BRIP1: variants seen among roughly 807,000 people sequenced by gnomAD.
BRIP1 encodes the protein BRCA1 interacting DNA helicase 1.
Under a neutral mutation model 119.7 loss-of-function variants are expected in BRIP1, and 88 were observed. The ratio of observed to expected loss-of-function variants is 0.74; its 90% CI spans 0.62 to 0.88. The LOEUF (loss-of-function observed/expected upper bound fraction) is 0.88, where lower values mean the gene tolerates loss of function less well. Ranked by LOEUF, BRIP1 falls within the 40% of genes least tolerant of loss-of-function variation. The pLI is 0.00. For missense variants in BRIP1, 1,259 were observed against 1,455.4 expected (o/e 0.87, Z 2.20); for synonymous variants, 443 against 496.5 (o/e 0.89, Z 1.43).
In BRIP1 at chr17:61,806,192, A is replaced by G. The variant is rs2078071007; in HGVS notation, c.918+2275T>C. On this transcript the variant is annotated intron_variant, in intron 7 of 19. Transcript: ENST00000259008. This position sits in a 1 kb window ranked among gnomAD's most constrained non-coding sequence, Gnocchi z 4.9. ...TAACACAACCCTGAGGAAGTCTGTC[A>G]ATTGAAGTGTTATCACACTTTAAAC... Among the ~76,000 whole-genome samples, 1 of 152,238 alleles carries G rather than the reference A, an allele frequency of 6.6e-6. No homozygotes were observed. Among genetic ancestry groups the G allele is most frequent in the South Asian group, 2.1e-4 (1 of 4,834 alleles).
At chr17:61,694,207 C>CA (rs2061491018) in intron 17 of BRIP1, among the ~76,000 whole-genome samples, 3 of 152,106 alleles carry the variant, frequency 2.0e-5, no homozygotes, top group Admixed American at 2.0e-4. Flanking sequence ...TTCACCACCC[C>CA]AAAAAGAAAC....
chr17:61,786,871 T>A (rs1325841735), intron 10 of BRIP1, among the ~76,000 whole-genome samples: 1 of 125,700 alleles, frequency 8.0e-6, no homozygotes, highest in Non-Finnish European at 1.6e-5. Flanking sequence ...ATATATGTAT[T>A]AATATATTAA....
Position 61,776,611 on chromosome 17 carries a change from G to A in BRIP1, c.1936-49C>T, listed in dbSNP as rs1367935734. ...TAGAGTTATGCCTGAAAAAGGCATG[G>A]AAATTAGTATTTATTTGGAAGTATG... On this transcript the variant is annotated intron_variant, in intron 13 of 19. Transcript: ENST00000259008. This position sits in a 1 kb window ranked among gnomAD's most constrained non-coding sequence, Gnocchi z 5.0. 2 of 1,553,230 alleles carry A rather than the reference G, an allele frequency of 1.3e-6. No homozygotes were observed. Among genetic ancestry groups the A allele is most frequent in the African/African-American group, 1.4e-5 (1 of 73,790 alleles).
At chr17:61,820,165 C>T (rs966951322) in intron 6 of BRIP1, among the ~76,000 whole-genome samples, 1 of 152,136 alleles carries the variant, frequency 6.6e-6, no homozygotes, top group Non-Finnish European at 1.5e-5. Flanking sequence ...TCCCACCTTA[C>T]ATCAAAATAA....
chr17:61,775,018 G>A lies in BRIP1; in HGVS notation c.2097+1383C>T, dbSNP rs934819226. ...CTTACATAACTGTGGAGTGAGTACA[G>A]TTTCCATAATCCCATAAATAACTTT... On this transcript the variant is annotated intron_variant, in intron 14 of 19. Transcript: ENST00000259008. The surrounding 1 kb of genome is among the most constrained non-coding windows in gnomAD (Gnocchi z 4.4). Among the ~76,000 whole-genome samples, 5 of 152,170 alleles carry A rather than the reference G, an allele frequency of 3.3e-5. No individual in the cohort carries two copies. Among genetic ancestry groups the A allele is most frequent in the Middle Eastern group, 3.2e-3 (1 of 316 alleles).
chr17:61,856,971 C>A lies in BRIP1; in HGVS notation c.379+87G>T. ...AGAGATATATAATCAGTTATGCTAA[C>A]CAAACTTATATAAATTAGGGCTTAT... On this transcript the variant is annotated intron_variant, in intron 4 of 19. Transcript: ENST00000259008. This position sits in a 1 kb window ranked among gnomAD's most constrained non-coding sequence, Gnocchi z 5.1. The A allele has an allele frequency of 7.4e-7, 1 of 1,351,616 alleles. No individual in the cohort carries two copies. The highest frequency in any genetic ancestry group is 1.1e-6 in the Non-Finnish European group (1 of 943,550). The allele number at this position is 1,351,616 out of a possible 1,614,324, so 83.7% of individuals were successfully genotyped here.
Position 61,842,483 on chromosome 17 carries a change from C to T in BRIP1, c.627+4618G>A, listed in dbSNP as rs193243783. On this transcript the variant is annotated intron_variant, in intron 6 of 19. Transcript: ENST00000259008. The surrounding 1 kb of genome is among the most constrained non-coding windows in gnomAD (Gnocchi z 5.1). ...ACAAAGAAATGACAAATGTTTGAGG[C>T]GATGGATATGTTAATTACTCTGATT... is the stretch of plus-strand genomic sequence containing the variant. Among the ~76,000 whole-genome samples the T allele has an allele frequency of 2.1e-4, 32 of 152,000 alleles. No homozygotes were observed. The highest frequency in any genetic ancestry group is 3.1e-4 in the Non-Finnish European group (21 of 67,978).
rs1276791259 is a variant in BRIP1 at position 61,815,682 on chromosome 17, G to C, written c.628-6925C>G. Among the ~76,000 whole-genome samples the C allele has an allele frequency of 2.6e-5, 4 of 152,112 alleles. No homozygotes were observed. Among genetic ancestry groups the C allele is most frequent in the Non-Finnish European group, 5.9e-5 (4 of 67,996 alleles). ...CCACAAAATACACAATAAATTTGTG[G>C]AGAAGTTGAAATTCATAACCTTAAA... is the stretch of plus-strand genomic sequence containing the variant. On this transcript the variant is annotated intron_variant, in intron 6 of 19. Transcript: ENST00000259008. This position sits in a 1 kb window ranked among gnomAD's most constrained non-coding sequence, Gnocchi z 4.1.
chr17:61,783,255 G>C (rs900165148), intron 11 of BRIP1, among the ~76,000 whole-genome samples: 3 of 152,128 alleles, frequency 2.0e-5, no homozygotes, highest in Non-Finnish European at 2.9e-5. Context: ...CTACATAAAT[G>C]AACTCTGAAA....
At position 61,816,650 on chromosome 17, in the gene BRIP1, T is replaced by C. The variant is rs564853631; in HGVS notation, c.628-7893A>G. Among the ~76,000 whole-genome samples the C allele has an allele frequency of 1.3e-5, 2 of 152,140 alleles. No individual in the cohort carries two copies. Among genetic ancestry groups the C allele is most frequent in the Non-Finnish European group, 2.9e-5 (2 of 68,042 alleles). On this transcript the variant is annotated intron_variant, in intron 6 of 19. Transcript: ENST00000259008. This position sits in a 1 kb window ranked among gnomAD's most constrained non-coding sequence, Gnocchi z 5.0. ...CTATAAAGCAAAAATTATCCTGGTA[T>C]AATAGAACTTTACATAGATGTGATT... is the stretch of plus-strand genomic sequence containing the variant.
rs1463146347 is a variant in BRIP1, at chr17:61,706,624, T to G, written c.2492+9327A>C. Reference sequence around the variant, plus strand: ...CTACTACTTCTTGGTTTTTGAACTTTAGAACTTACGTACTGATTCTCTCCT... The same window carrying G: ...CTACTACTTCTTGGTTTTTGAACTTGAGAACTTACGTACTGATTCTCTCCT... On this transcript the variant is annotated intron_variant, in intron 17 of 19. Transcript: ENST00000259008. The surrounding 1 kb of genome is among the most constrained non-coding windows in gnomAD (Gnocchi z 5.7). 6.6e-6 allele frequency among the ~76,000 whole-genome samples: 1 copy of G among 152,186 alleles called. No individual in the cohort carries two copies. The highest frequency in any genetic ancestry group is 2.1e-4 in the South Asian group (1 of 4,836).
rs1298899683 is a variant in BRIP1, at chr17:61,755,774, T to C, written c.2098-11183A>G. Among the ~76,000 whole-genome samples, 2 of 151,990 alleles carry C rather than the reference T, an allele frequency of 1.3e-5. No homozygotes were observed. The highest frequency in any genetic ancestry group is 2.9e-5 in the Non-Finnish European group (2 of 67,990). ...CCGGAAGAAAACAGACAGGTAAAGA[T>C]TTAGAAAGAACAATGGAGAGTAAAT... On this transcript the variant is annotated intron_variant, in intron 14 of 19. Transcript: ENST00000259008. This position sits in a 1 kb window ranked among gnomAD's most constrained non-coding sequence, Gnocchi z 4.5.
chr17:61,682,566 C>A lies in BRIP1; in HGVS notation c.*730G>T, dbSNP rs1056197832. On this transcript the variant is annotated 3_prime_UTR_variant, in exon 20 of 20. Transcript: ENST00000259008. This position sits in a 1 kb window ranked among gnomAD's most constrained non-coding sequence, Gnocchi z 4.9. Reference sequence around the variant, plus strand: ...TACTTATAAGTAGGCAGTTTAATAACGAAATAAACCTTTCAAGACAAATGG... The same window carrying A: ...TACTTATAAGTAGGCAGTTTAATAAAGAAATAAACCTTTCAAGACAAATGG... 5.1e-6 allele frequency: 1 copy of A among 194,752 alleles called. No homozygotes were observed. Among genetic ancestry groups the A allele is most frequent in the African/African-American group, 2.3e-5 (1 of 43,132 alleles). The allele number at this position is 194,752 out of a possible 1,614,324, so 12.1% of individuals were successfully genotyped here.
At position 61,858,538 on chromosome 17, in the gene BRIP1, T is replaced by C. The variant is rs1173584680; in HGVS notation, c.205+1258A>G. Among the ~76,000 whole-genome samples, 3 of 152,182 alleles carry C rather than the reference T, an allele frequency of 2.0e-5. No homozygotes were observed. In the East Asian group the frequency reaches 5.8e-4, roughly 29 times the overall value. ...ACAGGCACACGCCACCTCACCAGGC[T>C]AATTTTGTATTTTTAGTAGAGACGG... is the stretch of plus-strand genomic sequence containing the variant. On this transcript the variant is annotated intron_variant, in intron 3 of 19. Transcript: ENST00000259008.
chr17:61,800,153 C>T (rs768786832), intron 8 of BRIP1, among the ~76,000 whole-genome samples: 8 of 152,076 alleles, frequency 5.3e-5, no homozygotes, highest in Non-Finnish European at 7.4e-5. Flanking sequence ...AAAGCCATCA[C>T]AATAAAGAGA....
rs2077061527 is a variant in BRIP1 at position 61,746,613 on chromosome 17, TA to T, written c.2098-2023del. Among the ~76,000 whole-genome samples, 4 of 152,056 alleles carry T rather than the reference TA, an allele frequency of 2.6e-5. No individual in the cohort carries two copies. Among genetic ancestry groups the T allele is most frequent in the Admixed American group, 2.6e-4 (4 of 15,266 alleles). Reference sequence around the variant, plus strand: ...AAAAAAAAAGGACATTATATAATGATAAATGGGTCAATTCACTGGGAATATT... The same window carrying T: ...AAAAAAAAAGGACATTATATAATGATAATGGGTCAATTCACTGGGAATATT... On this transcript the variant is annotated intron_variant, in intron 14 of 19. Coordinates refer to ENST00000259008, the MANE Select transcript of BRIP1 (RefSeq NM_032043.3). This position sits in a 1 kb window ranked among gnomAD's most constrained non-coding sequence, Gnocchi z 4.9.
In BRIP1 at chr17:61,738,248, A is replaced by G. The variant is rs1470407121; in HGVS notation, c.2379+4765T>C. On this transcript the variant is annotated intron_variant, in intron 16 of 19. Coordinates refer to ENST00000259008, the MANE Select transcript of BRIP1 (RefSeq NM_032043.3). The surrounding 1 kb of genome is among the most constrained non-coding windows in gnomAD (Gnocchi z 4.2). The stretch of plus-strand genomic sequence containing the variant: ...ACCTGTAATAAATGATTGCTGTTTT[A>G]AGTCACTAAGTTTTGGAGTTGTTAC... Among the ~76,000 whole-genome samples, 2 of 152,172 alleles carry G rather than the reference A, an allele frequency of 1.3e-5. No individual in the cohort carries two copies. The highest frequency in any genetic ancestry group is 2.9e-5 in the Non-Finnish European group (2 of 68,030).
At chr17:61,712,627 C>T (rs972901803) in intron 17 of BRIP1, among the ~76,000 whole-genome samples, 6 of 151,932 alleles carry the variant, frequency 3.9e-5, no homozygotes, top group Admixed American at 1.3e-4. Flanking sequence ...ATTTGTGGGC[C>T]GAATGTGGTG....
At chr17:61,697,743 T>C (rs2061551645) in intron 17 of BRIP1, among the ~76,000 whole-genome samples, 1 of 152,098 alleles carries the variant, frequency 6.6e-6, no homozygotes, top group African/African-American at 2.4e-5. Context: ...TTTTTCCTAA[T>C]TCCTTAAGGA....
Sources: gnomAD v4.1 joint callset for allele counts (sites outside exome capture counted in the v4.1 genomes callset) on GRCh38, gnomAD v4.1.1 for gene constraint, Gnocchi (gnomAD v3.1) non-coding constraint, MANE v1.5 for transcripts, NCBI Gene and HGNC (gene_info 2026-07-23, HGNC 2026-07-21) for gene names.